Variants in BFSP1 observed in about 807,000 individuals in gnomAD.
The protein encoded by BFSP1 is filensin.
In BFSP1, 38 loss-of-function variants were observed where a neutral mutation model predicts 43.9. The observed-to-expected ratio is 0.87, with a 90% CI of 0.67 to 1.14. The LOEUF (loss-of-function observed/expected upper bound fraction) is 1.14. Ranked by LOEUF, BFSP1 falls within the 50% of genes most tolerant of loss-of-function variation. The pLI is 0.00. For synonymous variants in BFSP1, 352 were observed against 354.8 expected, an observed-to-expected ratio of 0.99 and a Z score of 0.09; for missense variants, 850 against 875.1, an observed-to-expected ratio of 0.97 and a Z score of 0.36.
upstream of BFSP1, among the ~76,000 whole-genome samples, chr20:17,562,613 G>T (rs1482588671): frequency 2.1e-5 from 3 of 143,204 alleles, no homozygotes; most frequent in Non-Finnish European, 4.6e-5. Context: ...TGAGATAATT[G>T]TACTACTTTG....
chr20:17,532,336 C>T (rs1193029612), upstream of BFSP1, among the ~76,000 whole-genome samples: 1 of 146,336 alleles, frequency 6.8e-6, no homozygotes, highest in Admixed American at 7.1e-5. Context: ...ACCTGGGAGG[C>T]GGAGGCTGCA....
chr20:17,545,059 G>A (rs75225013), intron 1 of BFSP1, among the ~76,000 whole-genome samples: 12,618 of 152,200 alleles, frequency 0.083, 732 homozygotes, highest in East Asian at 0.32. Context: ...TCTCATTCTT[G>A]GGCTCTCAAT....
intron 1 of BFSP1, among the ~76,000 whole-genome samples, chr20:17,551,734 G>C (rs1236136162): frequency 6.6e-6 from 1 of 152,186 alleles, no homozygotes; most frequent in East Asian, 1.9e-4. Context: ...TGTAATCCCA[G>C]CACTTTGAGA....
chr20:17,516,083 C>G (rs1044497884), intron 2 of BFSP1, among the ~76,000 whole-genome samples: 1 of 152,136 alleles, frequency 6.6e-6, no homozygotes, highest in African/African-American at 2.4e-5. Context: ...AGTCCCAGCA[C>G]TTTGGGAGGC....
intron 2 of BFSP1, among the ~76,000 whole-genome samples, chr20:17,519,099 G>A (rs1298614074): frequency 6.6e-6 from 1 of 152,144 alleles, no homozygotes; most frequent in Non-Finnish European, 1.5e-5. Flanking sequence ...TGCTGAGGAT[G>A]GGGTGGGGCA....
upstream of BFSP1, among the ~76,000 whole-genome samples, chr20:17,535,784 C>T (rs2034618860): frequency 1.3e-5 from 2 of 152,172 alleles, no homozygotes; most frequent in Admixed American, 1.3e-4. Context: ...GCAGTATAGA[C>T]ATTTAATAAA....
intron 3 of BFSP1, among the ~76,000 whole-genome samples, chr20:17,514,438 A>G (rs926189819): frequency 3.3e-5 from 5 of 152,196 alleles, no homozygotes; most frequent in Non-Finnish European, 7.3e-5. Flanking sequence ...TAGCTTAATG[A>G]AGACAGATCT....
At chr20:17,559,507 G>A (rs763394), upstream of BFSP1, among the ~76,000 whole-genome samples, 7,225 of 152,194 alleles carry the variant, frequency 0.047, 251 homozygotes, top group African/African-American at 0.094. Context: ...CCTTGCAGAG[G>A]TCCTATGGCT....
upstream of BFSP1, among the ~76,000 whole-genome samples, chr20:17,559,236 A>C (rs958995436): frequency 3.3e-5 from 5 of 151,990 alleles, no homozygotes; most frequent in African/African-American, 7.3e-5. Context: ...TGCCATTAAA[A>C]AACAACAACA....
Position 17,512,162 on chromosome 20 carries a change from C to T in BFSP1, c.535-94G>A, listed in dbSNP as rs750204930. 3.1e-5 allele frequency: 30 copies of T among 954,530 alleles called. No homozygotes were observed. The Middle Eastern group carries it at 3.2e-3, about 100-fold the overall frequency. The allele number at this position is 954,530 out of a possible 1,614,324, so 59.1% of individuals were successfully genotyped here. On this transcript the variant is annotated intron_variant, in intron 3 of 7. Transcript: ENST00000377873. ...GAGAACAGGAATGGACACTTCCGCA[C>T]GCTCCCTCATCACAGACAGGACAGA...
intron 1 of BFSP1, among the ~76,000 whole-genome samples, chr20:17,541,383 G>A (rs1399460785): frequency 6.6e-6 from 1 of 152,186 alleles, no homozygotes; most frequent in East Asian, 1.9e-4. Flanking sequence ...CACATTCGCT[G>A]ATTGGGCTGT....
At chr20:17,559,082 T>C, upstream of BFSP1, 1 of 189,734 alleles carries the variant, frequency 5.3e-6, no homozygotes, top group Non-Finnish European at 1.1e-5. Context: ...AGATGTGATG[T>C]TGTTTGCCTC....
intron 2 of BFSP1, chr20:17,516,868 C>T: frequency 3.1e-6 from 2 of 655,412 alleles, no homozygotes; most frequent in African/African-American, 1.8e-5. Flanking sequence ...AAAACCCTCA[C>T]AGGGAAGACC....
intron 1 of BFSP1, among the ~76,000 whole-genome samples, chr20:17,564,594 CTTCT>C (rs1209753191): frequency 1.3e-5 from 2 of 152,166 alleles, no homozygotes; most frequent in East Asian, 3.9e-4. Flanking sequence ...ACTTCTTCTT[CTTCT>C]TTTTTTTTGA....
upstream of BFSP1, among the ~76,000 whole-genome samples, chr20:17,532,989 A>T (rs2034572426): frequency 6.6e-6 from 1 of 152,118 alleles, no homozygotes; most frequent in South Asian, 2.1e-4. Context: ...TTCCGTCTGG[A>T]ATAAAGCTCT....
rs570672689 is a variant in BFSP1 at position 17,495,388 on chromosome 20, A to G, written c.1043-359T>C. On this transcript the variant is annotated intron_variant, in intron 7 of 7. Coordinates refer to ENST00000377873, the MANE Select transcript of BFSP1 (RefSeq NM_001195.5). Reference sequence around the variant, plus strand: ...GAGCCCTAGCCCCTGTTCCCACTGCAGCCCCACTGAGCTCACAGCAGACAC... The same window carrying G: ...GAGCCCTAGCCCCTGTTCCCACTGCGGCCCCACTGAGCTCACAGCAGACAC... Among the ~76,000 whole-genome samples, 3 of 152,334 alleles carry G rather than the reference A, an allele frequency of 2.0e-5. No individual in the cohort carries two copies. In the East Asian group the frequency reaches 5.8e-4, roughly 29 times the overall value.
upstream of BFSP1, among the ~76,000 whole-genome samples, chr20:17,560,063 G>T (rs780970865): frequency 2.6e-5 from 4 of 151,856 alleles, no homozygotes; most frequent in Non-Finnish European, 5.9e-5. Context: ...AGGAAGAGCT[G>T]GGTTTCTTTG....
In BFSP1 at chr20:17,525,316, T is replaced by C. The variant is rs1396572566; in HGVS notation, c.378-408A>G. The stretch of plus-strand genomic sequence containing the variant: ...TTAACCTGACCGTACTTGGATTTCC[T>C]ATAGTATTTTATTTGCTGACACATG... On this transcript the variant is annotated intron_variant, in intron 1 of 7. Transcript: ENST00000377873. The surrounding 1 kb of genome is among the most constrained non-coding windows in gnomAD (Gnocchi z 4.2). Among the ~76,000 whole-genome samples the C allele has an allele frequency of 6.6e-6, 1 of 152,192 alleles. No individual in the cohort carries two copies. The highest frequency in any genetic ancestry group is 1.9e-4 in the East Asian group (1 of 5,202).
chr20:17,552,609 G>A (rs1386910864), intron 1 of BFSP1, among the ~76,000 whole-genome samples: 4 of 152,180 alleles, frequency 2.6e-5, no homozygotes, highest in Non-Finnish European at 5.9e-5. Context: ...CCAGTTTAGA[G>A]GTGATGGTGA....
Sources: allele counts gnomAD v4.1 joint callset (sites outside exome capture counted in the v4.1 genomes callset), GRCh38; gene constraint gnomAD v4.1.1; non-coding constraint Gnocchi (gnomAD v3.1); transcripts MANE v1.5; gene names NCBI Gene and HGNC (gene_info 2026-07-23, HGNC 2026-07-21).